Variants in PCDH9 observed in about 807,000 individuals in gnomAD.
PCDH9 encodes protocadherin-9.
A neutral mutation model predicts 70.6 loss-of-function variants in PCDH9; 24 were observed. The ratio of observed to expected loss-of-function variants is 0.34; its 90% CI spans 0.25 to 0.48. The LOEUF (loss-of-function observed/expected upper bound fraction) is 0.48, where lower values mean the gene tolerates loss of function less well. PCDH9 is among the 20% of genes least tolerant of loss of function. The probability of loss-of-function intolerance (pLI) is 0.99; values close to 1 mark genes in which losing one functional copy is unlikely to be tolerated. For missense variants in PCDH9, 1,281 were observed against 1,503.6 expected (o/e 0.85, Z 2.45); for synonymous variants, 562 against 558.5 (o/e 1.01, Z -0.09).
intron 4 of PCDH9, among the ~76,000 whole-genome samples, chr13:66,599,438 C>T (rs1304500509): frequency 1.3e-5 from 2 of 151,698 alleles, no homozygotes; most frequent in African/African-American, 4.8e-5. Context: ...AAGTTATTAC[C>T]TGAAATGTTA....
At chr13:67,113,760 G>T (rs763882109) in intron 2 of PCDH9, among the ~76,000 whole-genome samples, 5 of 152,104 alleles carry the variant, frequency 3.3e-5, no homozygotes, top group Non-Finnish European at 7.4e-5. Flanking sequence ...CTTTAGGCAG[G>T]ATGGTCTTGA....
At chr13:66,934,754 T>C (rs2082883172) in intron 2 of PCDH9, among the ~76,000 whole-genome samples, 1 of 126,868 alleles carries the variant, frequency 7.9e-6, no homozygotes, top group Non-Finnish European at 1.6e-5. Context: ...GGAGTCTCGC[T>C]CTGTCGCCCA....
Position 66,304,700 on chromosome 13 carries a change from C to G in PCDH9, c.3669G>C (p.Lys1223Asn), listed in dbSNP as rs1955430664. 12 of 1,613,328 alleles carry G rather than the reference C, an allele frequency of 7.4e-6. No homozygotes were observed. The East Asian group carries it at 2.7e-4, about 36-fold the overall frequency. ...DIPLANLKSY[K>N]QAGGATESPK... ...GACTCTCAGTAGCACCTCCTGCTTG[C>G]TTATAAGACTTCAGATTTGCCAGAG... is the stretch of plus-strand genomic sequence containing the variant. The change falls in exon 5 of 5, where the codon AAG becomes AAC. Residue 1223 changes from lysine to asparagine, a missense_variant. Lys to Asn is a moderately conservative substitution (Grantham distance 94). Transcript: ENST00000377865.
At chr13:67,070,438 A>G (rs2085738558) in intron 2 of PCDH9, among the ~76,000 whole-genome samples, 1 of 152,208 alleles carries the variant, frequency 6.6e-6, no homozygotes, top group Non-Finnish European at 1.5e-5. Flanking sequence ...TTCACTGTTA[A>G]GTGTGAGAGG....
intron 3 of PCDH9, among the ~76,000 whole-genome samples, chr13:66,816,737 T>C (rs967657454): frequency 3.3e-5 from 5 of 152,004 alleles, no homozygotes; most frequent in African/African-American, 1.2e-4. Context: ...TGTGACAACA[T>C]GGTAAAATCC....
At chr13:66,997,398 C>A (rs1408792770) in intron 2 of PCDH9, among the ~76,000 whole-genome samples, 1 of 152,130 alleles carries the variant, frequency 6.6e-6, no homozygotes, top group Middle Eastern at 3.2e-3. Flanking sequence ...TATGTGAACT[C>A]ATAGAGGGAG....
At chr13:66,892,754 T>C (rs1316843988) in intron 3 of PCDH9, among the ~76,000 whole-genome samples, 1 of 152,138 alleles carries the variant, frequency 6.6e-6, no homozygotes, top group Non-Finnish European at 1.5e-5. Context: ...GAAAATAATA[T>C]GCTGGGCATA....
At chr13:66,474,660 T>C (rs906607380) in intron 4 of PCDH9, among the ~76,000 whole-genome samples, 3 of 152,142 alleles carry the variant, frequency 2.0e-5, no homozygotes, top group Non-Finnish European at 4.4e-5. Flanking sequence ...CACAGTTTAA[T>C]AGGCATAAAT....
chr13:66,644,511 T>C (rs2077747448), intron 3 of PCDH9, among the ~76,000 whole-genome samples: 1 of 151,944 alleles, frequency 6.6e-6, no homozygotes, highest in Non-Finnish European at 1.5e-5. Context: ...TCGGGCAATT[T>C]TCAAATCATT....
chr13:67,185,921 A>G (rs2088746954), intron 2 of PCDH9, among the ~76,000 whole-genome samples: 1 of 151,932 alleles, frequency 6.6e-6, no homozygotes, highest in African/African-American at 2.4e-5. Context: ...TAGTAGAGAC[A>G]GGGTTTCTCC....
chr13:66,824,651 GATATATATATATATATATATATATATAT>G lies in PCDH9; in HGVS notation c.3138+78825_3138+78852del, dbSNP rs67211029. ...ACCTGGGCAACAAGAGCGAAACTCT[GATATATATATATATATATATATATATAT>G]ATATATATATATATATATGCACACA... is the stretch of plus-strand genomic sequence containing the variant. On this transcript the variant is annotated intron_variant, in intron 3 of 4. Coordinates refer to ENST00000377865, the MANE Select transcript of PCDH9 (RefSeq NM_203487.3). Among the ~76,000 whole-genome samples the G allele has an allele frequency of 1.7e-3, 167 of 99,074 alleles. 2 individuals carry two copies. The highest frequency in any genetic ancestry group is 6.5e-3 in the African/African-American group (137 of 21,010). The allele number at this position is 99,074 out of a possible 152,430, so 65.0% of individuals were successfully genotyped here.
chr13:66,305,120 C>A lies in PCDH9; in HGVS notation c.3341-92G>T, dbSNP rs548052075. ...AGAGAAAAAGTATGTTATTAGTGAT[C>A]TTATTTTTTCATAAAAGTGTATCAA... On this transcript the variant is annotated intron_variant, in intron 4 of 4. Coordinates refer to ENST00000377865, the MANE Select transcript of PCDH9 (RefSeq NM_203487.3). The A allele has an allele frequency of 3.6e-6, 4 of 1,113,210 alleles. No homozygotes were observed. In the East Asian group the frequency reaches 1.0e-4, roughly 29 times the overall value. 69.0% of individuals were successfully genotyped at this position (1,113,210 alleles called of 1,614,324 possible).
chr13:66,479,680 T>C (rs1046493276), intron 4 of PCDH9, among the ~76,000 whole-genome samples: 11 of 152,162 alleles, frequency 7.2e-5, no homozygotes, highest in Admixed American at 7.2e-4. Context: ...AATGCACCAA[T>C]CAGCTCCCTG....
At chr13:66,330,784 C>G (rs549332189) in intron 4 of PCDH9, among the ~76,000 whole-genome samples, 1 of 152,280 alleles carries the variant, frequency 6.6e-6, no homozygotes, top group Middle Eastern at 3.4e-3. Flanking sequence ...CAAATGCCTG[C>G]AGTATGCTAT....
At chr13:66,519,186 G>C (rs1387406079) in intron 4 of PCDH9, among the ~76,000 whole-genome samples, 1 of 151,922 alleles carries the variant, frequency 6.6e-6, no homozygotes, top group East Asian at 1.9e-4. Context: ...GATAAACAGT[G>C]GTGATAGTAG....
intron 4 of PCDH9, among the ~76,000 whole-genome samples, chr13:66,312,538 G>C (rs1955580258): frequency 6.6e-6 from 1 of 151,742 alleles, no homozygotes; most frequent in South Asian, 2.1e-4. Flanking sequence ...CTTGAGCTGG[G>C]AGATTGAGGC....
At chr13:66,884,403 T>C (rs2081972966) in intron 3 of PCDH9, among the ~76,000 whole-genome samples, 1 of 152,208 alleles carries the variant, frequency 6.6e-6, no homozygotes, top group Non-Finnish European at 1.5e-5. Flanking sequence ...TCTTAATTTG[T>C]GTGAGTGTAA....
rs557592017 is a variant in PCDH9, at chr13:66,736,519, G to A, written c.3139-105108C>T. On this transcript the variant is annotated intron_variant, in intron 3 of 4. Coordinates refer to ENST00000377865, the MANE Select transcript of PCDH9 (RefSeq NM_203487.3). ...AACTGTTAGAAAATAAATTTCTGTT[G>A]TTTAAGCCACCCAGTCTTCTTTTAG... 5.4e-3 allele frequency among the ~76,000 whole-genome samples: 821 copies of A among 152,276 alleles called. 7 individuals are homozygous for A. The highest frequency in any genetic ancestry group is 0.019 in the African/African-American group (781 of 41,560).
At chr13:66,407,716 T>G (rs1957303631) in intron 4 of PCDH9, among the ~76,000 whole-genome samples, 1 of 152,208 alleles carries the variant, frequency 6.6e-6, no homozygotes, top group Admixed American at 6.5e-5. Flanking sequence ...CTTATTATGT[T>G]GAGCATTTAA....
Sources: allele counts gnomAD v4.1 joint callset (sites outside exome capture counted in the v4.1 genomes callset), GRCh38; gene constraint gnomAD v4.1.1; transcripts MANE v1.5; gene names NCBI Gene and HGNC (gene_info 2026-07-23, HGNC 2026-07-21).